The following MTSS2 variants were observed in gnomAD, a reference collection of about 807,000 sequenced individuals.
The protein encoded by MTSS2 is protein MTSS 2.
MTSS2 carries 27 observed loss-of-function variants against 67.1 expected under a neutral mutation model. That is an observed-to-expected ratio of 0.40 (90% CI 0.30 to 0.55). The LOEUF (loss-of-function observed/expected upper bound fraction) is 0.55. MTSS2 is among the 20% of genes least tolerant of loss of function. The probability of loss-of-function intolerance (pLI) is 0.43; values close to 1 mark genes in which losing one functional copy is unlikely to be tolerated. For missense variants in MTSS2, 1,171 were observed against 1,067.8 expected (o/e 1.10, Z -1.35); for synonymous variants, 624 against 468.6 (o/e 1.33, Z -4.28).
In MTSS2 at chr16:70,663,801, G is replaced by C; in HGVS notation, c.2120C>G (p.Thr707Arg). The C allele has an allele frequency of 1.3e-6, 2 of 1,521,014 alleles. No individual in the cohort carries two copies. The highest frequency in any genetic ancestry group is 1.8e-6 in the Non-Finnish European group (2 of 1,135,754). 94.2% of individuals were successfully genotyped at this position (1,521,014 alleles called of 1,614,324 possible). ...TALSATPTEETPTPPPAATSD... is the reference protein window; with the variant it reads ...TALSATPTEERPTPPPAATSD... ...GGTGGCGGCTGGGGGTGGGGTGGGC[G>C]TCTCCTCCGTGGGGGTGGCCGACAG... The change falls in exon 15 of 15, where the codon ACG becomes AGG. Residue 707 changes from threonine to arginine, a missense_variant. Coordinates refer to ENST00000338779, the MANE Select transcript of MTSS2 (RefSeq NM_138383.3).
rs541671721 is a variant in MTSS2, at chr16:70,664,334, G to A, written c.1587C>T (p.Arg529=). 1.3e-6 allele frequency: 2 copies of A among 1,598,466 alleles called. No homozygotes were observed. Among genetic ancestry groups the A allele is most frequent in the East Asian group, 2.2e-5 (1 of 44,796 alleles). ...AGGCTGGGCGCTTGGTCTGGATCAG[G>A]CGGCGGTAGTTCTGGGCGATGTTGC... ...RNSNIAQNYR[R]LIQTKRPAST... is the part of the protein sequence containing the mutation. The change falls in exon 15 of 15, where the codon CGC becomes CGT. Residue 529 remains arginine (R), a synonymous_variant. Coordinates refer to ENST00000338779, the MANE Select transcript of MTSS2 (RefSeq NM_138383.3).
At position 70,673,918 on chromosome 16, in the gene MTSS2, G is replaced by C. The variant is rs1446315463; in HGVS notation, c.1053+388C>G. On this transcript the variant is annotated intron_variant, in intron 11 of 14. Transcript: ENST00000338779. ...ACAATCCAGCAGACGGGGAATAAGAGAAAAGAAAAAACAAAGTCAAGGGTA... is the reference window on the plus strand; with the variant it reads ...ACAATCCAGCAGACGGGGAATAAGACAAAAGAAAAAACAAAGTCAAGGGTA... 2.0e-5 allele frequency among the ~76,000 whole-genome samples: 3 copies of C among 151,810 alleles called. No individual in the cohort carries two copies. In the East Asian group the frequency reaches 5.8e-4, roughly 29 times the overall value.
Position 70,662,625 on chromosome 16 carries a change from C to G in MTSS2, c.*1052G>C, listed in dbSNP as rs961019233. The G allele has an allele frequency of 5.2e-5, 8 of 152,586 alleles. No individual in the cohort carries two copies. Among genetic ancestry groups the G allele is most frequent in the Non-Finnish European group, 1.2e-4 (8 of 68,146 alleles). The allele number at this position is 152,586 out of a possible 1,614,324, so 9.5% of individuals were successfully genotyped here. On this transcript the variant is annotated 3_prime_UTR_variant, in exon 15 of 15. Coordinates refer to ENST00000338779, the MANE Select transcript of MTSS2 (RefSeq NM_138383.3). The stretch of plus-strand genomic sequence containing the variant: ...AGCTTCCACCGGGCTCTGGGGGAGC[C>G]AAGTCCCTCCCTTCTCATCCTGCCA...
intron 9 of MTSS2, 21 bp from the exon 10 acceptor site, chr16:70,676,999 G>A (rs775047745): frequency 6.2e-7 from 1 of 1,600,250 alleles, no homozygotes; most frequent in Admixed American, 1.7e-5. Context: ...ACATGGATGG[G>A]GGTCACTGGA....
At position 70,677,997 on chromosome 16, in the gene MTSS2, C is replaced by T; in HGVS notation, c.625-98G>A. 5 of 1,087,734 alleles carry T rather than the reference C, an allele frequency of 4.6e-6. No individual in the cohort carries two copies. In the South Asian group the frequency reaches 6.0e-5, roughly 13 times the overall value. The allele number at this position is 1,087,734 out of a possible 1,614,324, so 67.4% of individuals were successfully genotyped here. On this transcript the variant is annotated intron_variant, in intron 8 of 14. Coordinates refer to ENST00000338779, the MANE Select transcript of MTSS2 (RefSeq NM_138383.3). ...CAGCAGCCCTTGTCGGGCCTCTCCT[C>T]TCTCACCCCTCCTCGCTAACCAATG...
intron 11 of MTSS2, among the ~76,000 whole-genome samples, chr16:70,671,724 AAAT>A (rs750804996): frequency 5.9e-5 from 9 of 152,176 alleles, no homozygotes; most frequent in Non-Finnish European, 1.3e-4. Context: ...AAAAAGGGAG[AAAT>A]AATGACTCTC....
In MTSS2 at chr16:70,677,863, G is replaced by C. The variant is rs148677126; in HGVS notation, c.661C>G (p.Leu221Val). 12 of 1,612,196 alleles carry C rather than the reference G, an allele frequency of 7.4e-6. No individual in the cohort carries two copies. Among genetic ancestry groups the C allele is most frequent in the Non-Finnish European group, 1.0e-5 (12 of 1,179,564 alleles). Residue 221 changes from leucine (L) to valine (V), a missense_variant, in exon 9 of 15, where the codon CTG (leucine) becomes GTG (valine). Physicochemically the swap from Leu to Val is conservative, Grantham distance 32. Transcript: ENST00000338779. ...ELTMLGEITH[L>V]QGIIDDLVVL... ...ACCAAGTCGTCGATGATGCCCTGCA[G>C]GTGGGTGATCTCTCCCAGCATGGTC... is the stretch of plus-strand genomic sequence containing the variant.
intron 2 of MTSS2, 44 bp from the exon 3 acceptor site, chr16:70,680,911 G>GC (rs2053284666): frequency 6.7e-7 from 1 of 1,481,678 alleles, no homozygotes; most frequent in African/African-American, 1.4e-5. Flanking sequence ...GGTTGGGCGG[G>GC]GGGGGGGCCT....
chr16:70,674,393 G>T lies in MTSS2; in HGVS notation c.966C>A (p.Ser322Arg), dbSNP rs746802122. Residue 322 changes from serine to arginine, a missense_variant, in exon 11 of 15, where the codon AGC becomes AGA. Coordinates refer to ENST00000338779, the MANE Select transcript of MTSS2 (RefSeq NM_138383.3). ...QPATTTARLS[S>R]VSSHDSGFVS... is the part of the protein sequence containing the mutation. ...CGAAGCCAGAGTCATGGGAGGAAAC[G>T]CTGGAGAGGCGAGCGGTGGTGGTGG... 8 of 1,614,214 alleles carry T rather than the reference G, an allele frequency of 5.0e-6. No individual in the cohort carries two copies. The South Asian group carries it at 8.8e-5, about 18-fold the overall frequency.
rs192414744 is a variant in MTSS2, at chr16:70,665,159, C to T, written c.1129-63G>A. ...CCCTACCACCTATGGCCCGGGGGCC[C>T]GTCACTGTGGCTGAGGCTCAGGGTG... On this transcript the variant is annotated intron_variant, in intron 12 of 14. Transcript: ENST00000338779. 382 of 1,513,678 alleles carry T rather than the reference C, an allele frequency of 2.5e-4. 1 individual carries two copies. The East Asian group carries it at 7.0e-3, about 28-fold the overall frequency. The allele number at this position is 1,513,678 out of a possible 1,614,324, so 93.8% of individuals were successfully genotyped here.
At position 70,663,958 on chromosome 16, in the gene MTSS2, A is replaced by C. The variant is rs1323272682; in HGVS notation, c.1963T>G (p.Tyr655Asp). 3.8e-6 allele frequency: 6 copies of C among 1,564,740 alleles called. No individual in the cohort carries two copies. The South Asian group carries it at 5.8e-5, about 15-fold the overall frequency. ...TCGTCCTCGGCCCCTGCCCCGGGGT[A>C]CCCGGCTGCCTCTGGGGATGGGCTG... ...WGSPSPEAAG[Y>D]PGAGAEDEQQ... is the part of the protein sequence containing the mutation. Residue 655 changes from tyrosine (Y) to aspartate (D), a missense_variant, in exon 15 of 15, where the codon TAC (tyrosine) becomes GAC (aspartate). Around this residue, in one of 2 missense-constraint regions of MTSS2, gnomAD observed 924 missense variants for 756.0 expected, o/e 1.22. Coordinates refer to ENST00000338779, the MANE Select transcript of MTSS2 (RefSeq NM_138383.3).
intron 11 of MTSS2, among the ~76,000 whole-genome samples, chr16:70,672,980 G>C (rs143108581): frequency 1.3e-5 from 2 of 152,100 alleles, no homozygotes; most frequent in Non-Finnish European, 2.9e-5. Flanking sequence ...GGGCAACATG[G>C]CAAAATGTTG....
intron 1 of MTSS2, among the ~76,000 whole-genome samples, chr16:70,683,421 G>T (rs2053360001): frequency 1.3e-5 from 2 of 152,224 alleles, no homozygotes; most frequent in Admixed American, 1.3e-4. Flanking sequence ...GCCCTCTGCA[G>T]GGGCCCCTAG....
chr16:70,667,418 G>C (rs572305868), intron 11 of MTSS2, among the ~76,000 whole-genome samples: 1 of 151,308 alleles, frequency 6.6e-6, no homozygotes, highest in East Asian at 1.9e-4. Context: ...ATCCGAAAAA[G>C]ATCAATCACA....
chr16:70,664,425 A>T lies in MTSS2; in HGVS notation c.1496T>A (p.Val499Glu). The change falls in exon 15 of 15, where the codon GTG becomes GAG. Residue 499 changes from valine to glutamate, a missense_variant. Val to Glu is a moderately radical substitution (Grantham distance 121). Coordinates refer to ENST00000338779, the MANE Select transcript of MTSS2 (RefSeq NM_138383.3). ...GCCCTCGCTGTCCGCATCCCCATTC[A>T]CGGAGTAGCAGTCGTAGTCGGAGCC... ...SQGSDYDCYSVNGDADSEGPP... is the reference protein window; with the variant it reads ...SQGSDYDCYSENGDADSEGPP... 6.5e-7 allele frequency: 1 copy of T among 1,545,486 alleles called. No individual in the cohort carries two copies. The highest frequency in any genetic ancestry group is 8.7e-7 in the Non-Finnish European group (1 of 1,149,344).
Position 70,664,272 on chromosome 16 carries a change from GCCGTGGGCAGCC to G in MTSS2, c.1637_1648del (p.Gly546_Thr549del). On this transcript the variant is annotated inframe_deletion, in exon 15 of 15. Transcript: ENST00000338779. ...GGGTGCGCCCGAGGGCAGGCCAGTG[GCCGTGGGCAGCC>G]CCGCGGTGGGCAGCCCAGCAGTGGA... 6.4e-7 allele frequency: 1 copy of G among 1,557,000 alleles called. No homozygotes were observed. Among genetic ancestry groups the G allele is most frequent in the South Asian group, 1.2e-5 (1 of 81,446 alleles).
chr16:70,679,932 G>GCCCCCCC, intron 4 of MTSS2, 39 bp downstream of exon 4: 24 of 708,620 alleles, frequency 3.4e-5, no homozygotes, highest in Non-Finnish European at 4.5e-5. Context: ...GCGACGCCCC[G>GCCCCCCC]TCCCCCCGCC....
intron 11 of MTSS2, among the ~76,000 whole-genome samples, chr16:70,669,951 G>C (rs1380646046): frequency 6.6e-6 from 1 of 151,728 alleles, no homozygotes; most frequent in Non-Finnish European, 1.5e-5. Flanking sequence ...GCCAAGCGCT[G>C]GTGAGGATGT....
chr16:70,665,587 G>T (rs1001418369), intron 11 of MTSS2, 47 bp from the exon 12 acceptor site: 3 of 1,502,534 alleles, frequency 2.0e-6, no homozygotes, highest in Non-Finnish European at 2.7e-6. Flanking sequence ...GGGGCCGGCA[G>T]GCAGCAAGGA....
Sources: allele counts gnomAD v4.1 joint callset (sites outside exome capture counted in the v4.1 genomes callset), GRCh38; gene constraint gnomAD v4.1.1; regional missense constraint gnomAD v4.1.1; transcripts MANE v1.5; gene names NCBI Gene and HGNC (gene_info 2026-07-23, HGNC 2026-07-21).